The following STX16 variants were observed in gnomAD, a reference collection of about 807,000 sequenced individuals.
STX16 encodes the protein syntaxin-16.
Under a neutral mutation model 42.7 loss-of-function variants are expected in STX16, and 28 were observed. The observed-to-expected ratio is 0.66, with a 90% CI of 0.49 to 0.90. STX16 has a LOEUF of 0.90. Among genes scored for constraint, STX16 ranks in the 40% least tolerant of loss-of-function variants. STX16 has a pLI of 0.00. For synonymous variants in STX16, 156 were observed against 155.2 expected, an observed-to-expected ratio of 1.00 and a Z score of -0.04; for missense variants, 361 against 420.9, an observed-to-expected ratio of 0.86 and a Z score of 1.24.
rs542148601 is a variant in STX16, at chr20:58,672,254, C to T, written c.792+957C>T. 6.6e-5 allele frequency among the ~76,000 whole-genome samples: 10 copies of T among 152,134 alleles called. No individual in the cohort carries two copies. The South Asian group carries it at 2.1e-3, about 32-fold the overall frequency. On this transcript the variant is annotated intron_variant, in intron 7 of 8. Coordinates refer to ENST00000371141, the MANE Select transcript of STX16 (RefSeq NM_001001433.3). ...GGTTGAGGCAGGAGGATCGCTTGAA[C>T]CTGGGAGGTAGAGGTTGCAGTGAGC...
In STX16 at chr20:58,678,682, G is replaced by C. The variant is rs2084199526; in HGVS notation, c.*2391G>C. 1 of 151,492 alleles carries C rather than the reference G, an allele frequency of 6.6e-6. No homozygotes were observed. Among genetic ancestry groups the C allele is most frequent in the Admixed American group, 6.6e-5 (1 of 15,206 alleles). 9.4% of individuals were successfully genotyped at this position (151,492 alleles called of 1,614,324 possible). On this transcript the variant is annotated 3_prime_UTR_variant, in exon 9 of 9. Transcript: ENST00000371141. ...ATTGTTTTAGCGCTGGGTTTCCCAA[G>C]GTGGGAGAGACAGACCCAGCCTGGA...
intron 1 of STX16, among the ~76,000 whole-genome samples, chr20:58,653,463 C>G (rs915409289): frequency 6.6e-6 from 1 of 152,118 alleles, no homozygotes; most frequent in Non-Finnish European, 1.5e-5. Flanking sequence ...CAGCCTAGAA[C>G]TAGGGACAGA....
At chr20:58,667,950 C>G in intron 3 of STX16, 37 bp from the exon 4 acceptor site, 1 of 1,613,570 alleles carries the variant, frequency 6.2e-7, no homozygotes, top group South Asian at 1.1e-5. Context: ...CATAGCCTGC[C>G]TGGCATCAGT....
chr20:58,669,059 G>C (rs1262439040), intron 4 of STX16, among the ~76,000 whole-genome samples: 1 of 152,234 alleles, frequency 6.6e-6, no homozygotes, highest in Non-Finnish European at 1.5e-5. Flanking sequence ...CTAACGTGAT[G>C]ATATGTGAGC....
intron 2 of STX16, among the ~76,000 whole-genome samples, chr20:58,663,843 A>C (rs2083756998): frequency 6.6e-6 from 1 of 151,896 alleles, no homozygotes; most frequent in Non-Finnish European, 1.5e-5. Context: ...ATGCCCGGCT[A>C]ATTTTTGTAT....
rs1473416810 is a variant in STX16 at position 58,651,682 on chromosome 20, G to A, written c.-325G>A. 3.8e-6 allele frequency: 1 copy of A among 266,470 alleles called. No homozygotes were observed. Among genetic ancestry groups the A allele is most frequent in the Non-Finnish European group, 7.4e-6 (1 of 135,282 alleles). 16.5% of individuals were successfully genotyped at this position (266,470 alleles called of 1,614,324 possible). A position where few individuals can be genotyped will look rare whatever the true frequency, so the allele number is the denominator to read the frequency against. Reference sequence around the variant, plus strand: ...CTAGAGCCGGATTGGCGAGTTAGACGCTTGTAGATCCAAGGTTGGATTGGG... The same window carrying A: ...CTAGAGCCGGATTGGCGAGTTAGACACTTGTAGATCCAAGGTTGGATTGGG... On this transcript the variant is annotated 5_prime_UTR_variant, in exon 1 of 9. Coordinates refer to ENST00000371141, the MANE Select transcript of STX16 (RefSeq NM_001001433.3).
intron 2 of STX16, among the ~76,000 whole-genome samples, chr20:58,666,387 A>G (rs1259759480): frequency 1.3e-5 from 2 of 150,638 alleles, no homozygotes; most frequent in Non-Finnish European, 3.0e-5. Flanking sequence ...ACCGTGCCAA[A>G]CCCATGATTT....
rs1346978855 is a variant in STX16, at chr20:58,657,994, T to C, written c.133-1629T>C. On this transcript the variant is annotated intron_variant, in intron 1 of 8. Transcript: ENST00000371141. This position sits in a 1 kb window ranked among gnomAD's most constrained non-coding sequence, Gnocchi z 4.2. The stretch of plus-strand genomic sequence containing the variant: ...CTTCAAGCAATGCATTTATACATTT[T>C]GAAGCTTAGTTTTCTTATTTGTAAG... Among the ~76,000 whole-genome samples the C allele has an allele frequency of 2.0e-5, 3 of 152,338 alleles. No homozygotes were observed. The East Asian group carries it at 5.8e-4, about 29-fold the overall frequency.
intron 1 of STX16, among the ~76,000 whole-genome samples, 163 bp from the exon 2 acceptor site, chr20:58,659,459 AG>A (rs1248642894): frequency 7.4e-6 from 1 of 135,018 alleles, no homozygotes; most frequent in Non-Finnish European, 1.7e-5. Context: ...AAAAAAAAAA[AG>A]GAGATTTTAA....
At chr20:58,672,748 C>T (rs771412796) in intron 7 of STX16, among the ~76,000 whole-genome samples, 3 of 152,186 alleles carry the variant, frequency 2.0e-5, no homozygotes, top group Non-Finnish European at 2.9e-5. Flanking sequence ...GATTCTGACG[C>T]TATAGAAGAT....
At chr20:58,668,578 A>AT (rs2083895916) in intron 4 of STX16, among the ~76,000 whole-genome samples, 1 of 151,978 alleles carries the variant, frequency 6.6e-6, no homozygotes, top group Non-Finnish European at 1.5e-5. Flanking sequence ...TACATTTTTT[A>AT]CTGAAGTCTC....
In STX16 at chr20:58,666,409, T is replaced by G. The variant is rs182740592; in HGVS notation, c.145-1081T>G. On this transcript the variant is annotated intron_variant, in intron 2 of 8. Transcript: ENST00000371141. ...CAAACCCATGATTTCCCTCTGTTTT[T>G]TGTGTGTGTGTGTGTTTTTTTTTTT... Among the ~76,000 whole-genome samples the G allele has an allele frequency of 7.1e-3, 1,046 of 147,432 alleles. 11 individuals carry two copies. Among genetic ancestry groups the G allele is most frequent in the South Asian group, 0.045 (210 of 4,704 alleles).
intron 4 of STX16, among the ~76,000 whole-genome samples, chr20:58,668,978 A>T (rs1369812731): frequency 6.6e-6 from 1 of 152,196 alleles, no homozygotes; most frequent in African/African-American, 2.4e-5. Context: ...AAATATTCCA[A>T]AATCTCCCGA....
intron 7 of STX16, 129 bp downstream of exon 7, chr20:58,671,426 ATGTGTGTGTGGGTGTGTGTGTGTGTG>A (rs1601043282): frequency 1.5e-5 from 7 of 476,818 alleles, no homozygotes; most frequent in African/African-American, 6.7e-5. Flanking sequence ...CCTGTCCTTT[ATGTGTGTGTGGGTGTGTGTGTGTGTG>A]TGTGTGTGTG....
intron 6 of STX16, 46 bp downstream of exon 6, chr20:58,670,649 A>C: frequency 6.6e-7 from 1 of 1,507,188 alleles, no homozygotes; most frequent in Non-Finnish European, 9.2e-7. Flanking sequence ...TGTGCACCCC[A>C]TTCTGCATCT....
At chr20:58,664,738 T>C (rs1371833054) in intron 2 of STX16, among the ~76,000 whole-genome samples, 2 of 152,260 alleles carry the variant, frequency 1.3e-5, no homozygotes, top group African/African-American at 2.4e-5. Flanking sequence ...CTAATCCCAA[T>C]GCAGGTAAAT....
chr20:58,656,153 A>G (rs187341012), intron 1 of STX16, among the ~76,000 whole-genome samples: 49 of 152,278 alleles, frequency 3.2e-4, no homozygotes, highest in Middle Eastern at 3.4e-3. Context: ...TCATTTGTAA[A>G]CTGAGGGGTT....
intron 2 of STX16, among the ~76,000 whole-genome samples, chr20:58,660,109 A>G (rs555386624): frequency 6.6e-6 from 1 of 152,310 alleles, no homozygotes; most frequent in African/African-American, 2.4e-5. Context: ...CACCCAGTGG[A>G]TGCACCTGGA....
intron 7 of STX16, 25 bp downstream of exon 7, chr20:58,671,322 A>T: frequency 6.3e-7 from 1 of 1,587,280 alleles, no homozygotes; most frequent in Middle Eastern, 1.7e-4. Flanking sequence ...CTTCCTCGTG[A>T]ATAGGTTTTC....
Sources: gnomAD v4.1 joint callset for allele counts (sites outside exome capture counted in the v4.1 genomes callset) on GRCh38, gnomAD v4.1.1 for gene constraint, Gnocchi (gnomAD v3.1) non-coding constraint, MANE v1.5 for transcripts, NCBI Gene and HGNC (gene_info 2026-07-23, HGNC 2026-07-21) for gene names.